Variants in PEBP4 observed in about 807,000 individuals in gnomAD.
The protein encoded by PEBP4 is phosphatidylethanolamine binding protein 4, also known as phosphatidylethanolamine-binding protein 4.
PEBP4 carries 22 observed loss-of-function variants against 23.9 expected under a neutral mutation model. The observed-to-expected ratio is 0.92, with a 90% CI of 0.66 to 1.31. PEBP4 has a LOEUF of 1.31. PEBP4 is among the 40% of genes most tolerant of loss of function. The pLI, the probability that PEBP4 is intolerant of heterozygous loss-of-function variation, is 0.00. For synonymous variants in PEBP4, 112 were observed against 99.3 expected, an observed-to-expected ratio of 1.13 and a Z score of -0.76; for missense variants, 324 against 281.7, an observed-to-expected ratio of 1.15 and a Z score of -1.07.
At chr8:22,899,522 T>G (rs745807654) in intron 3 of PEBP4, among the ~76,000 whole-genome samples, 2 of 152,166 alleles carry the variant, frequency 1.3e-5, no homozygotes, top group Admixed American at 6.5e-5. Context: ...GGGAGGTTCT[T>G]TAGGTGCACC....
At chr8:22,851,681 A>G (rs6981971) in intron 3 of PEBP4, among the ~76,000 whole-genome samples, 135,922 of 152,084 alleles carry the variant, frequency 0.89, 61,043 homozygotes, top group Admixed American at 0.93. Flanking sequence ...TTTGCTTATC[A>G]GAATCCCATT....
chr8:22,899,922 C>T (rs998925879), intron 3 of PEBP4, among the ~76,000 whole-genome samples: 3 of 152,160 alleles, frequency 2.0e-5, no homozygotes, highest in South Asian at 2.1e-4. Context: ...CCTTCTCACC[C>T]GCAGTCAAGG....
At chr8:22,881,539 C>T (rs758734069) in intron 3 of PEBP4, among the ~76,000 whole-genome samples, 9 of 152,144 alleles carry the variant, frequency 5.9e-5, no homozygotes, top group Non-Finnish European at 1.2e-4. Flanking sequence ...AGAGCCATGC[C>T]AGGTATCTAA....
In PEBP4 at chr8:22,810,069, A is replaced by C. The variant is rs1806585400; in HGVS notation, c.357+7568T>G. Among the ~76,000 whole-genome samples the C allele has an allele frequency of 3.3e-5, 5 of 152,348 alleles. 1 individual carries two copies. In the South Asian group the frequency reaches 1.0e-3, roughly 32 times the overall value. The stretch of plus-strand genomic sequence containing the variant: ...AGGGACCAAAATGTGCTTCCCTGGA[A>C]AACTTCCCCCACTGGTCCTGATTCC... On this transcript the variant is annotated intron_variant, in intron 4 of 6. Coordinates refer to ENST00000256404, the MANE Select transcript of PEBP4 (RefSeq NM_144962.3).
At chr8:22,821,766 A>T (rs1366693949) in intron 3 of PEBP4, among the ~76,000 whole-genome samples, 1 of 152,096 alleles carries the variant, frequency 6.6e-6, no homozygotes, top group East Asian at 1.9e-4. Context: ...TGGACGGATC[A>T]TGAGGTCAAG....
At chr8:22,932,174 A>C (rs1809466900), upstream of PEBP4, among the ~76,000 whole-genome samples, 1 of 152,184 alleles carries the variant, frequency 6.6e-6, no homozygotes, top group Admixed American at 6.5e-5. Context: ...ATTTATATGA[A>C]ATGTCCAGAA....
chr8:22,858,769 A>G (rs561200702), intron 3 of PEBP4, among the ~76,000 whole-genome samples: 109 of 152,320 alleles, frequency 7.2e-4, no homozygotes, highest in African/African-American at 2.3e-3. Flanking sequence ...CAACATGGTG[A>G]AATCCCGTCT....
At chr8:22,751,039 G>A (rs1481603619) in intron 4 of PEBP4, among the ~76,000 whole-genome samples, 1 of 152,166 alleles carries the variant, frequency 6.6e-6, no homozygotes, top group South Asian at 2.1e-4. Flanking sequence ...TGAACTTGAC[G>A]CCCACGCAGC....
chr8:22,748,620 G>C (rs534447293), intron 4 of PEBP4, among the ~76,000 whole-genome samples: 1 of 152,092 alleles, frequency 6.6e-6, no homozygotes, highest in Admixed American at 6.5e-5. Flanking sequence ...AGAACAAGGA[G>C]GGGGTGTGAC....
At chr8:22,815,933 C>T (rs1007999597) in intron 4 of PEBP4, among the ~76,000 whole-genome samples, 1 of 152,224 alleles carries the variant, frequency 6.6e-6, no homozygotes, top group Non-Finnish European at 1.5e-5. Context: ...ACCCTAACTG[C>T]TTTTGCACTC....
chr8:22,927,323 G>A (rs1343353201), intron 2 of PEBP4, among the ~76,000 whole-genome samples: 1 of 152,078 alleles, frequency 6.6e-6, no homozygotes, highest in African/African-American at 2.4e-5. Flanking sequence ...AGGTTTGGAG[G>A]GCCCAAGCAG....
At chr8:22,893,189 T>G (rs1161195055) in intron 3 of PEBP4, among the ~76,000 whole-genome samples, 2 of 152,180 alleles carry the variant, frequency 1.3e-5, no homozygotes, top group Non-Finnish European at 2.9e-5. Flanking sequence ...ACAGAATTCC[T>G]GGGGCAGCAG....
chr8:22,837,470 G>A (rs764918091), intron 3 of PEBP4, among the ~76,000 whole-genome samples: 10 of 152,174 alleles, frequency 6.6e-5, no homozygotes, highest in South Asian at 4.1e-4. Flanking sequence ...ATTGCTGCCC[G>A]ATAATCTTCC....
intron 4 of PEBP4, among the ~76,000 whole-genome samples, chr8:22,732,636 G>T (rs992348774): frequency 1.8e-4 from 3 of 16,760 alleles, no homozygotes; most frequent in African/African-American, 3.0e-4. Context: ...GGCCCCATTT[G>T]TGTGTGTGTG....
At chr8:22,741,975 G>A (rs1173090791) in intron 4 of PEBP4, among the ~76,000 whole-genome samples, 1 of 152,210 alleles carries the variant, frequency 6.6e-6, no homozygotes, top group African/African-American at 2.4e-5. Context: ...TCAAGGGACA[G>A]CTGCTGGCTC....
intron 3 of PEBP4, among the ~76,000 whole-genome samples, chr8:22,855,915 G>A (rs976448765): frequency 6.6e-5 from 10 of 151,820 alleles, no homozygotes; most frequent in Admixed American, 2.6e-4. Flanking sequence ...GGTGGTGCAC[G>A]CCTGTATTGC....
intron 4 of PEBP4, among the ~76,000 whole-genome samples, chr8:22,744,336 A>G (rs915529356): frequency 2.0e-5 from 3 of 152,178 alleles, no homozygotes; most frequent in African/African-American, 7.2e-5. Context: ...TTTTCTCCTG[A>G]GTTCTAGAAC....
chr8:22,719,098 G>A (rs532547552), intron 6 of PEBP4, among the ~76,000 whole-genome samples: 49 of 152,294 alleles, frequency 3.2e-4, no homozygotes, highest in African/African-American at 1.1e-3. Context: ...TGGGTGGGTG[G>A]TTCCACCTCT....
chr8:22,917,280 C>G (rs1166455737), intron 3 of PEBP4, among the ~76,000 whole-genome samples: 2 of 152,206 alleles, frequency 1.3e-5, no homozygotes, highest in Non-Finnish European at 2.9e-5. Flanking sequence ...ATGCTCTTCT[C>G]TGTCCTAAAC....
Sources: gnomAD v4.1 joint callset for allele counts (sites outside exome capture counted in the v4.1 genomes callset) on GRCh38, gnomAD v4.1.1 for gene constraint, MANE v1.5 for transcripts, NCBI Gene and HGNC (gene_info 2026-07-23, HGNC 2026-07-21) for gene names.